Variants in COL5A1 observed in about 807,000 individuals in gnomAD.
COL5A1 encodes the protein collagen type V alpha 1 chain.
A neutral mutation model predicts 263.7 loss-of-function variants in COL5A1; 16 were observed. The ratio of observed to expected loss-of-function variants is 0.06; its 90% CI spans 0.04 to 0.09. COL5A1 has a LOEUF of 0.09. Among genes scored for constraint, COL5A1 ranks in the 10% least tolerant of loss-of-function variants. COL5A1 has a pLI of 1.00. For synonymous variants in COL5A1, 1,012 were observed against 1,004.5 expected (o/e 1.01, Z -0.14); for missense variants, 2,036 against 2,540.5 (o/e 0.80, Z 4.27).
In COL5A1 at chr9:134,755,969, C is replaced by G. The variant is rs1409822910; in HGVS notation, c.1828-796C>G. ...AAGTGCAGGGTGGCAGCCCTCTATA[C>G]TCGCTGGCTGGGGTGCCTCGTTGTG... On this transcript the variant is annotated intron_variant, in intron 16 of 65. Coordinates refer to ENST00000371817, the MANE Select transcript of COL5A1 (RefSeq NM_000093.5). This position sits in a 1 kb window ranked among gnomAD's most constrained non-coding sequence, Gnocchi z 4.1. 1.3e-5 allele frequency among the ~76,000 whole-genome samples: 2 copies of G among 152,056 alleles called. No individual in the cohort carries two copies. Among genetic ancestry groups the G allele is most frequent in the African/African-American group, 4.8e-5 (2 of 41,386 alleles).
chr9:134,701,229 A>G lies in COL5A1; in HGVS notation c.550A>G (p.Lys184Glu), dbSNP rs2132572947. ...KKNVTLILDC[K>E]KKTTKFLDRS... is the part of the protein sequence containing the mutation. ...AAATGTCACCTTGATCCTCGACTGT[A>G]AAAAGAAGACCACCAAATTCCTCGA... The change falls in exon 4 of 66, where the codon AAA becomes GAA. Residue 184 changes from lysine (K) to glutamate (E), a missense_variant. Lys to Glu is a moderately conservative substitution (Grantham distance 56). This residue lies in a region of COL5A1 where 600 missense variants were observed against 634.5 expected (regional missense o/e 0.95). Transcript: ENST00000371817. 1 of 1,613,998 alleles carries G rather than the reference A, an allele frequency of 6.2e-7. No individual in the cohort carries two copies. The highest frequency in any genetic ancestry group is 2.2e-5 in the East Asian group (1 of 44,872).
At chr9:134,670,584 T>C (rs1832510287) in intron 1 of COL5A1, among the ~76,000 whole-genome samples, 1 of 152,168 alleles carries the variant, frequency 6.6e-6, no homozygotes, top group South Asian at 2.1e-4. Flanking sequence ...GAGACCCTTT[T>C]AGGCAAGCCC....
chr9:134,732,330 G>A (rs1834919247), intron 9 of COL5A1: 1 of 663,708 alleles, frequency 1.5e-6, no homozygotes, highest in African/African-American at 1.8e-5. Context: ...GGGATGTTCT[G>A]GACTGTGATG....
chr9:134,830,745 A>AG (rs1418233530), intron 64 of COL5A1, among the ~76,000 whole-genome samples: 1 of 152,238 alleles, frequency 6.6e-6, no homozygotes, highest in East Asian at 1.9e-4. Flanking sequence ...CATCCCTGAA[A>AG]GGAAACGACA....
chr9:134,814,069 T>C (rs1479415144), intron 49 of COL5A1, 33 bp downstream of exon 49: 1 of 1,548,530 alleles, frequency 6.5e-7, no homozygotes, highest in East Asian at 2.4e-5. Flanking sequence ...AGGGGTGGGA[T>C]ATGGCCGAGC....
rs183931863 is a variant in COL5A1 at position 134,652,533 on chromosome 9, T to G, written c.109+10237T>G. The stretch of plus-strand genomic sequence containing the variant: ...TGTGGCAATGTCTGGAGATGTTTTC[T>G]GATTGTCGCACCTGGGGTGGGGGCA... On this transcript the variant is annotated intron_variant, in intron 1 of 65. Coordinates refer to ENST00000371817, the MANE Select transcript of COL5A1 (RefSeq NM_000093.5). The surrounding 1 kb of genome is among the most constrained non-coding windows in gnomAD (Gnocchi z 4.4). Among the ~76,000 whole-genome samples, 16 of 152,280 alleles carry G rather than the reference T, an allele frequency of 1.1e-4. No homozygotes were observed. Among genetic ancestry groups the G allele is most frequent in the Admixed American group, 1.0e-3 (16 of 15,308 alleles).
intron 1 of COL5A1, among the ~76,000 whole-genome samples, chr9:134,669,041 T>A (rs1429299128): frequency 7.6e-6 from 1 of 132,226 alleles, no homozygotes; most frequent in African/African-American, 2.8e-5. Context: ...TTTACTCACC[T>A]ATCCATTCAT....
At chr9:134,782,914 T>A (rs1837315448) in intron 29 of COL5A1, among the ~76,000 whole-genome samples, 194 bp downstream of exon 29, 1 of 152,222 alleles carries the variant, frequency 6.6e-6, no homozygotes, top group Admixed American at 6.5e-5. Flanking sequence ...CTTCACCTCC[T>A]CTTCCTCAGT....
rs1373784371 is a variant in COL5A1, at chr9:134,716,762, C to T, written c.655-10504C>T. 6.6e-6 allele frequency among the ~76,000 whole-genome samples: 1 copy of T among 152,152 alleles called. No homozygotes were observed. The highest frequency in any genetic ancestry group is 1.5e-5 in the Non-Finnish European group (1 of 68,034). ...ATCATGCCCCTTCTCTGCACCCATG[C>T]GGCCCACCCCCATGTTGGAGACACA... On this transcript the variant is annotated intron_variant, in intron 4 of 65. Transcript: ENST00000371817. This position sits in a 1 kb window ranked among gnomAD's most constrained non-coding sequence, Gnocchi z 4.5.
chr9:134,769,022 C>T (rs763576925), intron 25 of COL5A1, among the ~76,000 whole-genome samples: 12 of 152,152 alleles, frequency 7.9e-5, no homozygotes, highest in East Asian at 1.9e-4. Flanking sequence ...TGCGTGCGTG[C>T]GTGCACACGT....
chr9:134,830,028 T>C lies in COL5A1; in HGVS notation c.5120T>C (p.Phe1707Ser). 6.2e-7 allele frequency: 1 copy of C among 1,614,072 alleles called. No individual in the cohort carries two copies. Among genetic ancestry groups the C allele is most frequent in the Non-Finnish European group, 8.5e-7 (1 of 1,179,988 alleles). The change falls in exon 64 of 66, where the codon TTC becomes TCC. Residue 1707 changes from phenylalanine (F) to serine (S), a missense_variant. Phe to Ser is a radical substitution (Grantham distance 155, BLOSUM62 -2). Transcript: ENST00000371817. ...AACCCGGGCTCCTGGTTCAGTGAAT[T>C]CAAGCGTGGGAAACTGGTAAGGTGG... Reference protein sequence around the residue: ...KENPGSWFSEFKRGKLLSYVD... With the variant: ...KENPGSWFSESKRGKLLSYVD...
In COL5A1 at chr9:134,680,528, A is replaced by G. The variant is rs963263587; in HGVS notation, c.110-10384A>G. On this transcript the variant is annotated intron_variant, in intron 1 of 65. Transcript: ENST00000371817. This position sits in a 1 kb window ranked among gnomAD's most constrained non-coding sequence, Gnocchi z 5.9. ...CCCCGCTGTGGAGGGCGGAGCTGGC[A>G]TCCTGACTAGCCCTGGTCAGTTCCA... is the stretch of plus-strand genomic sequence containing the variant. Among the ~76,000 whole-genome samples the G allele has an allele frequency of 1.3e-5, 2 of 152,200 alleles. No homozygotes were observed. Among genetic ancestry groups the G allele is most frequent in the African/African-American group, 4.8e-5 (2 of 41,446 alleles).
chr9:134,675,913 C>T (rs1041659421), intron 1 of COL5A1, among the ~76,000 whole-genome samples: 2 of 152,186 alleles, frequency 1.3e-5, no homozygotes, highest in Non-Finnish European at 2.9e-5. Flanking sequence ...GCTTCCATCA[C>T]GATCTATCAG....
At chr9:134,819,127 A>G in intron 57 of COL5A1, 74 bp downstream of exon 57, 1 of 1,461,820 alleles carries the variant, frequency 6.8e-7, no homozygotes. Context: ...CTCAAACTCA[A>G]CAAGCTCTTG....
At chr9:134,804,494 G>T (rs562088732) in intron 39 of COL5A1, among the ~76,000 whole-genome samples, 2 of 152,216 alleles carry the variant, frequency 1.3e-5, no homozygotes, top group African/African-American at 2.4e-5. Flanking sequence ...CTTACAAGGA[G>T]CCCCAAATCT....
chr9:134,766,817 A>G (rs1027887136), intron 22 of COL5A1, among the ~76,000 whole-genome samples, 183 bp from the exon 23 acceptor site: 1 of 152,122 alleles, frequency 6.6e-6, no homozygotes, highest in African/African-American at 2.4e-5. Flanking sequence ...CCACAGCCTC[A>G]GAGGCGCTGA....
Position 134,759,234 on chromosome 9 carries a change from AC to A in COL5A1, c.1935+940del, listed in dbSNP as rs1248084806. On this transcript the variant is annotated intron_variant, in intron 18 of 65. Coordinates refer to ENST00000371817, the MANE Select transcript of COL5A1 (RefSeq NM_000093.5). ...CATGCACACACACACCCACACATAC[AC>A]CACATACACCACACATGTGTGCGCG... 2.2e-4 allele frequency among the ~76,000 whole-genome samples: 31 copies of A among 144,070 alleles called. 1 individual carries two copies. Among genetic ancestry groups the A allele is most frequent in the Admixed American group, 1.8e-3 (27 of 14,616 alleles). 94.5% of individuals were successfully genotyped at this position (144,070 alleles called of 152,430 possible).
chr9:134,801,552 G>T (rs977012638), intron 37 of COL5A1, among the ~76,000 whole-genome samples: 5 of 152,340 alleles, frequency 3.3e-5, no homozygotes, highest in East Asian at 1.9e-4. Flanking sequence ...ACTTTGGGAG[G>T]CTGAGGCAGG....
intron 1 of COL5A1, among the ~76,000 whole-genome samples, chr9:134,674,345 C>T (rs907529044): frequency 4.6e-5 from 7 of 152,070 alleles, no homozygotes; most frequent in African/African-American, 1.2e-4. Flanking sequence ...CAGGGTGGCA[C>T]GAAAGCACTG....
Sources: gnomAD v4.1 joint callset for allele counts (sites outside exome capture counted in the v4.1 genomes callset) on GRCh38, gnomAD v4.1.1 for gene constraint, gnomAD v4.1.1 regional missense constraint, Gnocchi (gnomAD v3.1) non-coding constraint, MANE v1.5 for transcripts, NCBI Gene and HGNC (gene_info 2026-07-23, HGNC 2026-07-21) for gene names.